Variants in CHMP3 observed in about 807,000 individuals in gnomAD.
CHMP3 encodes 25.1 protein.
CHMP3 carries 8 observed loss-of-function variants against 27.4 expected under a neutral mutation model. The observed-to-expected ratio is 0.29, with a 90% CI of 0.17 to 0.53. The LOEUF (loss-of-function observed/expected upper bound fraction) is 0.53, where lower values mean the gene tolerates loss of function less well. Ranked by LOEUF, CHMP3 falls within the 20% of genes least tolerant of loss-of-function variation. The probability of loss-of-function intolerance (pLI) is 0.96; values close to 1 mark genes in which losing one functional copy is unlikely to be tolerated. For missense variants in CHMP3, 208 were observed against 271.5 expected (o/e 0.77, Z 1.64); for synonymous variants, 86 against 85.5 (o/e 1.01, Z -0.03).
At chr2:86,512,341 C>CA (rs1406167519) in intron 3 of CHMP3, 3 of 152,368 alleles carry the variant, frequency 2.0e-5, no homozygotes, top group Non-Finnish European at 4.4e-5. Flanking sequence ...ATGCAGCCCT[C>CA]ACCAGACAAC....
chr2:86,533,775 G>T, intron 2 of CHMP3, among the ~76,000 whole-genome samples: 1 of 62 alleles, frequency 0.016, no homozygotes, highest in South Asian at 0.25. Flanking sequence ...AAAGTGTTGG[G>T]ATTAAGCCAC....
chr2:86,517,159 T>C (rs1675340853), intron 3 of CHMP3, among the ~76,000 whole-genome samples: 1 of 152,210 alleles, frequency 6.6e-6, no homozygotes, highest in Non-Finnish European at 1.5e-5. Context: ...TAACATTACA[T>C]TCCCACACCT....
At chr2:86,513,702 A>G (rs565947009) in intron 3 of CHMP3, among the ~76,000 whole-genome samples, 1 of 152,328 alleles carries the variant, frequency 6.6e-6, no homozygotes, top group East Asian at 1.9e-4. Flanking sequence ...CTATACCCTG[A>G]AGGTGAAATC....
At chr2:86,532,287 C>T (rs1374420849) in intron 2 of CHMP3, among the ~76,000 whole-genome samples, 1 of 151,904 alleles carries the variant, frequency 6.6e-6, no homozygotes, top group Non-Finnish European at 1.5e-5. Flanking sequence ...TTTTTTGGTG[C>T]TGATTTTGTA....
At chr2:86,555,151 G>C (rs1677071864) in intron 1 of CHMP3, among the ~76,000 whole-genome samples, 1 of 151,998 alleles carries the variant, frequency 6.6e-6, no homozygotes, top group Non-Finnish European at 1.5e-5. Context: ...CCCGGCCTTA[G>C]AACTAATATG....
At chr2:86,510,601 G>A (rs1573237196) in intron 3 of CHMP3, 122 bp from the exon 4 acceptor site, 1 of 1,349,996 alleles carries the variant, frequency 7.4e-7, no homozygotes, top group East Asian at 2.4e-5. Context: ...TTATTTGTGT[G>A]CCTTTAAATT....
chr2:86,507,709 A>T, intron 4 of CHMP3, 116 bp from the exon 5 acceptor site: 1 of 798,750 alleles, frequency 1.3e-6, no homozygotes, highest in Non-Finnish European at 2.1e-6. Context: ...TCAAGAGCTG[A>T]CACACGAGAC....
intron 1 of CHMP3, among the ~76,000 whole-genome samples, chr2:86,548,116 T>A (rs561106972): frequency 6.6e-6 from 1 of 151,716 alleles, no homozygotes; most frequent in Non-Finnish European, 1.5e-5. Context: ...TGCAAAACTG[T>A]GGTGTTTTAA....
intron 3 of CHMP3, among the ~76,000 whole-genome samples, chr2:86,518,630 G>A (rs77887930): frequency 0.039 from 5,977 of 152,120 alleles, 169 homozygotes; most frequent in African/African-American, 0.078. Context: ...TTTTGTTGGA[G>A]GCAGCTGTTT....
intron 1 of CHMP3, 76 bp downstream of exon 1, chr2:86,563,228 A>G: frequency 6.5e-7 from 1 of 1,546,312 alleles, no homozygotes. Flanking sequence ...TGGGGAGAAG[A>G]GTGTCCTGTC....
chr2:86,510,891 G>A (rs1345616034), intron 3 of CHMP3: 5 of 178,360 alleles, frequency 2.8e-5, no homozygotes, highest in Non-Finnish European at 5.9e-5. Context: ...CCTATGGACA[G>A]TATCTGTTCA....
chr2:86,518,370 A>G (rs1430165971), intron 3 of CHMP3, among the ~76,000 whole-genome samples: 1 of 152,248 alleles, frequency 6.6e-6, no homozygotes, highest in Non-Finnish European at 1.5e-5. Context: ...ATGGTGAACC[A>G]AAACCAAAAG....
chr2:86,515,963 A>G (rs112055734), intron 3 of CHMP3, among the ~76,000 whole-genome samples: 7 of 152,098 alleles, frequency 4.6e-5, no homozygotes, highest in African/African-American at 1.7e-4. Flanking sequence ...CCAGGCCAAC[A>G]TGGTGAAACC....
At position 86,504,569 on chromosome 2, in the gene CHMP3, A is replaced by C. The variant is rs1674820335; in HGVS notation, c.*1235T>G. On this transcript the variant is annotated 3_prime_UTR_variant, in exon 6 of 6. Coordinates refer to ENST00000263856, the MANE Select transcript of CHMP3 (RefSeq NM_016079.4). ...GCTATGTTGCCCAGGCTGGTCTTGA[A>C]CTCCTATTCTCAAGAGAGCCTCCTG... 1 of 129,190 alleles carries C rather than the reference A, an allele frequency of 7.7e-6. No individual in the cohort carries two copies. The highest frequency in any genetic ancestry group is 9.1e-5 in the Admixed American group (1 of 10,998). The allele number at this position is 129,190 out of a possible 1,614,324, so 8.0% of individuals were successfully genotyped here.
intron 1 of CHMP3, among the ~76,000 whole-genome samples, chr2:86,555,517 A>AAAAAAAT (rs1553409466): frequency 6.7e-6 from 1 of 148,798 alleles, no homozygotes. Flanking sequence ...AAAAATAAAT[A>AAAAAAAT]AATAAATAAT....
chr2:86,536,892 T>C (rs1361312826), intron 2 of CHMP3, among the ~76,000 whole-genome samples: 1 of 152,166 alleles, frequency 6.6e-6, no homozygotes, highest in Admixed American at 6.5e-5. Context: ...CATTTTTTTT[T>C]CTTTTTCTTT....
chr2:86,563,103 G>A, intron 1 of CHMP3: 1 of 575,318 alleles, frequency 1.7e-6, no homozygotes, highest in Non-Finnish European at 3.1e-6. Flanking sequence ...CTGTTCGAGA[G>A]CCATGGCACC....
intron 1 of CHMP3, among the ~76,000 whole-genome samples, chr2:86,556,747 C>T (rs1381472145): frequency 6.6e-6 from 1 of 152,156 alleles, no homozygotes; most frequent in African/African-American, 2.4e-5. Flanking sequence ...AATAAATACT[C>T]GCAGCGCCGG....
At chr2:86,518,139 T>C (rs1351071489) in intron 3 of CHMP3, among the ~76,000 whole-genome samples, 1 of 152,208 alleles carries the variant, frequency 6.6e-6, no homozygotes, top group East Asian at 1.9e-4. Context: ...TCTTATGACA[T>C]TTCTGACAAA....
Sources: allele counts gnomAD v4.1 joint callset (sites outside exome capture counted in the v4.1 genomes callset), GRCh38; gene constraint gnomAD v4.1.1; transcripts MANE v1.5; gene names NCBI Gene and HGNC (gene_info 2026-07-23, HGNC 2026-07-21).